The following AZIN1 variants were observed in gnomAD, a reference collection of about 807,000 sequenced individuals.
The protein encoded by AZIN1 is antizyme inhibitor 1, also known as ornithine decarboxylase antizyme inhibitor.
AZIN1 carries 12 observed loss-of-function variants against 47.4 expected under a neutral mutation model. The ratio of observed to expected loss-of-function variants is 0.25; its 90% CI spans 0.16 to 0.41. The LOEUF (loss-of-function observed/expected upper bound fraction) is 0.41, where lower values mean the gene tolerates loss of function less well. Among genes scored for constraint, AZIN1 ranks in the 10% least tolerant of loss-of-function variants. AZIN1 has a pLI of 1.00. For missense variants in AZIN1, 410 were observed against 532.4 expected, an observed-to-expected ratio of 0.77 and a Z score of 2.26; for synonymous variants, 155 against 176.3, an observed-to-expected ratio of 0.88 and a Z score of 0.96.
chr8:102,853,528 C>T (rs146410515), intron 2 of AZIN1, among the ~76,000 whole-genome samples: 27 of 152,258 alleles, frequency 1.8e-4, no homozygotes, highest in African/African-American at 5.1e-4. Context: ...AACTGGTCTA[C>T]GTTGCTTTCC....
Position 102,829,520 on chromosome 8 carries a change from C to T in AZIN1, c.1021-34G>A. ...AAAGTTTTACAATTTAATTTTTACT[C>T]ATACTTACGCAGGTATTGAATTTGT... On this transcript the variant is annotated intron_variant, in intron 10 of 11. Transcript: ENST00000337198. 4 of 1,515,622 alleles carry T rather than the reference C, an allele frequency of 2.6e-6. No individual in the cohort carries two copies. In the South Asian group the frequency reaches 4.7e-5, roughly 18 times the overall value. 93.9% of individuals were successfully genotyped at this position (1,515,622 alleles called of 1,614,324 possible). A position where few individuals can be genotyped will look rare whatever the true frequency, so the allele number is the denominator to read the frequency against.
In AZIN1 at chr8:102,832,852, G is replaced by A. The variant is rs572107978; in HGVS notation, c.904+204C>T. 8.5e-5 allele frequency among the ~76,000 whole-genome samples: 13 copies of A among 152,220 alleles called. No individual in the cohort carries two copies. The South Asian group carries it at 2.7e-3, about 32-fold the overall frequency. On this transcript the variant is annotated intron_variant, in intron 9 of 11. Transcript: ENST00000337198. ...GATGGGGTTTCCACCATATTGGCCAGGCTGGTCTCGAACTCCTGACCTTGT... is the reference window on the plus strand; with the variant it reads ...GATGGGGTTTCCACCATATTGGCCAAGCTGGTCTCGAACTCCTGACCTTGT...
intron 5 of AZIN1, among the ~76,000 whole-genome samples, 175 bp downstream of exon 5, chr8:102,838,569 G>A (rs1300433436): frequency 6.6e-6 from 1 of 152,144 alleles, no homozygotes; most frequent in Non-Finnish European, 1.5e-5. Flanking sequence ...TGAAGGATCA[G>A]AGGTAGAGAG....
intron 5 of AZIN1, among the ~76,000 whole-genome samples, chr8:102,838,411 C>T (rs992169265): frequency 2.0e-5 from 3 of 152,152 alleles, no homozygotes; most frequent in Non-Finnish European, 2.9e-5. Flanking sequence ...CTGTTCCTAA[C>T]GTTATCAAAC....
At chr8:102,856,407 A>C (rs1813296877) in intron 2 of AZIN1, among the ~76,000 whole-genome samples, 2 of 152,188 alleles carry the variant, frequency 1.3e-5, no homozygotes, top group African/African-American at 4.8e-5. Flanking sequence ...CTACCCACAA[A>C]GAGGGAGACA....
intron 2 of AZIN1, among the ~76,000 whole-genome samples, chr8:102,844,404 G>T (rs1322307031): frequency 6.6e-6 from 1 of 152,072 alleles, no homozygotes; most frequent in African/African-American, 2.4e-5. Flanking sequence ...AGAGTGGAGG[G>T]TGGCTTGAGG....
chr8:102,858,253 T>C (rs1219367431), intron 1 of AZIN1, 103 bp from the exon 2 acceptor site: 1 of 395,264 alleles, frequency 2.5e-6, no homozygotes, highest in Non-Finnish European at 4.5e-6. Flanking sequence ...TTTATAACAA[T>C]GTTTCATTAA....
At chr8:102,837,728 A>G (rs1464055436) in intron 5 of AZIN1, among the ~76,000 whole-genome samples, 1 of 152,236 alleles carries the variant, frequency 6.6e-6, no homozygotes, top group Non-Finnish European at 1.5e-5. Flanking sequence ...TGCTGTCAGG[A>G]TATCTTAAGT....
At chr8:102,844,634 T>TA (rs34428083) in intron 2 of AZIN1, among the ~76,000 whole-genome samples, 4,295 of 146,316 alleles carry the variant, frequency 0.029, 69 homozygotes, top group East Asian at 0.054. Context: ...CAGGTTGTTG[T>TA]AAAAAAAAAA....
At chr8:102,841,802 ATAT>A (rs1358463475) in intron 3 of AZIN1, among the ~76,000 whole-genome samples, 7 of 65,472 alleles carry the variant, frequency 1.1e-4, no homozygotes, top group Non-Finnish European at 2.3e-4. Flanking sequence ...ATATATATAT[ATAT>A]AAAAAAAAAA....
chr8:102,848,590 C>T (rs534432815), intron 2 of AZIN1, among the ~76,000 whole-genome samples: 89 of 152,210 alleles, frequency 5.8e-4, no homozygotes, highest in Middle Eastern at 3.4e-3. Flanking sequence ...AAATGAAATG[C>T]CACTTGGAAA....
intron 2 of AZIN1, among the ~76,000 whole-genome samples, chr8:102,849,026 G>T (rs1018529036): frequency 6.6e-6 from 1 of 151,962 alleles, no homozygotes; most frequent in Non-Finnish European, 1.5e-5. Flanking sequence ...ACACCACAGG[G>T]GGCTGGGCAC....
intron 1 of AZIN1, among the ~76,000 whole-genome samples, chr8:102,862,199 G>C (rs1813716198): frequency 1.3e-5 from 2 of 152,142 alleles, no homozygotes; most frequent in South Asian, 4.1e-4. Context: ...CTTAAGACTT[G>C]TGGGTTTATA....
At chr8:102,857,053 A>G (rs1813338876) in intron 2 of AZIN1, among the ~76,000 whole-genome samples, 1 of 152,246 alleles carries the variant, frequency 6.6e-6, no homozygotes, top group Non-Finnish European at 1.5e-5. Flanking sequence ...CATTTGCTCA[A>G]ATTTACACAG....
At chr8:102,857,981 T>G (rs1219938014) in intron 2 of AZIN1, 32 bp downstream of exon 2, 1 of 398,722 alleles carries the variant, frequency 2.5e-6, no homozygotes, top group Non-Finnish European at 4.4e-6. Flanking sequence ...TTTAAAGACC[T>G]CCTCCCCACC....
chr8:102,830,770 A>G (rs1811402820), intron 9 of AZIN1, among the ~76,000 whole-genome samples: 1 of 152,234 alleles, frequency 6.6e-6, no homozygotes, highest in South Asian at 2.1e-4. Context: ...GACTGGATCA[A>G]CTTAAAGACT....
chr8:102,834,635 A>G lies in AZIN1; in HGVS notation c.666+31T>C, dbSNP rs1037795316. ...AACTTAACATCCTGGCTAAAATAAA[A>G]TATCAAAATAACTTAAAAGAAAGAA... On this transcript the variant is annotated intron_variant, in intron 7 of 11. Transcript: ENST00000337198. 3 of 1,512,866 alleles carry G rather than the reference A, an allele frequency of 2.0e-6. No individual in the cohort carries two copies. The African/African-American group carries it at 4.2e-5, about 21-fold the overall frequency. The allele number at this position is 1,512,866 out of a possible 1,614,324, so 93.7% of individuals were successfully genotyped here.
intron 8 of AZIN1, among the ~76,000 whole-genome samples, chr8:102,833,481 T>A (rs545926956): frequency 6.6e-6 from 1 of 152,050 alleles, no homozygotes; most frequent in Non-Finnish European, 1.5e-5. Flanking sequence ...TGTTTTTTTT[T>A]AAGTCATTTT....
Position 102,829,318 on chromosome 8 carries a change from C to A in AZIN1, c.1189G>T (p.Asp397Tyr). The A allele has an allele frequency of 6.2e-7, 1 of 1,613,854 alleles. No homozygotes were observed. The highest frequency in any genetic ancestry group is 1.1e-5 in the South Asian group (1 of 91,028). Residue 397 changes from aspartate to tyrosine, a missense_variant, in exon 11 of 12, where the codon GAT becomes TAT. Physicochemically the swap from Asp to Tyr is radical, Grantham distance 160. This residue lies in a region of AZIN1 where 168 missense variants were observed against 198.3 expected (regional missense o/e 0.85). Coordinates refer to ENST00000337198, the MANE Select transcript of AZIN1 (RefSeq NM_148174.4). The part of the protein sequence containing the change: ...DSFHEPSAFN[D>Y]FQRPAIYYMM... The stretch of plus-strand genomic sequence containing the variant: ...TAATAAATGGCTGGCCTCTGAAAAT[C>A]ATTAAAAGCAGATGGTTCATGGAAA...
Sources: gnomAD v4.1 joint callset for allele counts (sites outside exome capture counted in the v4.1 genomes callset) on GRCh38, gnomAD v4.1.1 for gene constraint, gnomAD v4.1.1 regional missense constraint, MANE v1.5 for transcripts, NCBI Gene and HGNC (gene_info 2026-07-23, HGNC 2026-07-21) for gene names.